The following PCDHA5 variants were observed in gnomAD, a reference collection of about 807,000 sequenced individuals.
The protein encoded by PCDHA5 is protocadherin alpha 5, also known as protocadherin alpha-5.
Under a neutral mutation model 61.6 loss-of-function variants are expected in PCDHA5, and 43 were observed. The ratio of observed to expected loss-of-function variants is 0.70; its 90% confidence interval spans 0.55 to 0.90. PCDHA5 has a LOEUF of 0.90. Ranked by LOEUF, PCDHA5 falls within the 40% of genes least tolerant of loss-of-function variation. PCDHA5 has a pLI of 0.00. For synonymous variants in PCDHA5, 627 were observed against 543.9 expected, an observed-to-expected ratio of 1.15 and a Z score of -2.13; for missense variants, 1,298 against 1,222.7, an observed-to-expected ratio of 1.06 and a Z score of -0.92.
At chr5:140,840,778 A>T (rs1277652633) in intron 1 of PCDHA5, among the ~76,000 whole-genome samples, 2 of 152,094 alleles carry the variant, frequency 1.3e-5, no homozygotes, top group Non-Finnish European at 2.9e-5. Context: ...GAAAAGTTAG[A>T]ATTATATGCT....
rs1554206132 is a variant in PCDHA5, at chr5:140,928,678, C to A, written c.2353-50271C>A. 3.1e-6 allele frequency: 5 copies of A among 1,614,192 alleles called. No individual in the cohort carries two copies. The East Asian group carries it at 1.1e-4, about 36-fold the overall frequency. ...TGCTGACAGTGGTTCTAATGCCTGGCTTTCCTACCACATCTCCCGGGCGTC... is the reference window on the plus strand; with the variant it reads ...TGCTGACAGTGGTTCTAATGCCTGGATTTCCTACCACATCTCCCGGGCGTC... On this transcript the variant is annotated intron_variant, in intron 1 of 3. Coordinates refer to ENST00000529859, the MANE Select transcript of PCDHA5 (RefSeq NM_018908.3).
At chr5:140,928,344 G>T (rs1554205800) in intron 1 of PCDHA5, 2 of 1,614,168 alleles carry the variant, frequency 1.2e-6, no homozygotes, top group East Asian at 2.2e-5. Flanking sequence ...CTTATGAGCT[G>T]TTGGATGTTA....
intron 1 of PCDHA5, among the ~76,000 whole-genome samples, chr5:140,913,152 T>G (rs2076232515): frequency 6.6e-6 from 1 of 152,178 alleles, no homozygotes; most frequent in Admixed American, 6.5e-5. Context: ...ATAGTTTGAG[T>G]AGGATTGGTA....
intron 1 of PCDHA5, chr5:140,862,870 G>T: frequency 1.8e-6 from 1 of 569,162 alleles, no homozygotes; most frequent in Non-Finnish European, 3.4e-6. Flanking sequence ...GACGCTGCCA[G>T]GTATTAGTGC....
chr5:140,865,725 A>T (rs1326307411), intron 1 of PCDHA5: 1 of 152,210 alleles, frequency 6.6e-6, no homozygotes, highest in Non-Finnish European at 1.5e-5. Context: ...AGAAGCTGAG[A>T]TGTGTATCTA....
At chr5:140,923,217 ATCGTTTGAG>A (rs2081234922) in intron 1 of PCDHA5, among the ~76,000 whole-genome samples, 1 of 135,418 alleles carries the variant, frequency 7.4e-6, no homozygotes, top group Admixed American at 7.5e-5. Flanking sequence ...AGGTGAAAGG[ATCGTTTGAG>A]CCCAGAAGTT....
rs916835953 is a variant in PCDHA5 at position 140,823,215 on chromosome 5, C to T, written c.1440C>T (p.Asp480=). ...ACATCTTCACGGTGTCTGCACGGGA[C>T]GCGGACGCGCAGGAGAACGCCCTGG... The part of the protein sequence containing the change: ...GCHIFTVSAR[D]ADAQENALVS... The change falls in exon 1 of 4, where the codon GAC becomes GAT. Residue 480 remains aspartate, a synonymous_variant. Coordinates refer to ENST00000529859, the MANE Select transcript of PCDHA5 (RefSeq NM_018908.3). The T allele has an allele frequency of 6.2e-7, 1 of 1,613,770 alleles. No homozygotes were observed. The highest frequency in any genetic ancestry group is 1.1e-5 in the South Asian group (1 of 91,074).
At chr5:140,847,308 C>T (rs1295740719) in intron 1 of PCDHA5, among the ~76,000 whole-genome samples, 2 of 149,754 alleles carry the variant, frequency 1.3e-5, no homozygotes, top group Admixed American at 6.7e-5. Context: ...CTGCAGTAAT[C>T]AAGGACAGAA....
rs185057371 is a variant in PCDHA5, at chr5:140,832,952, A to T, written c.2352+8825A>T. Among the ~76,000 whole-genome samples, 141 of 152,318 alleles carry T rather than the reference A, an allele frequency of 9.3e-4. 1 individual carries two copies. Among genetic ancestry groups the T allele is most frequent in the African/African-American group, 3.3e-3 (136 of 41,588 alleles). Reference sequence around the variant, plus strand: ...TGAGAAGAGAGTAACTTAAGTGAGTATACAGAAAATTCCAAATGTACCTAG... The same window carrying T: ...TGAGAAGAGAGTAACTTAAGTGAGTTTACAGAAAATTCCAAATGTACCTAG... On this transcript the variant is annotated intron_variant, in intron 1 of 3. Coordinates refer to ENST00000529859, the MANE Select transcript of PCDHA5 (RefSeq NM_018908.3).
chr5:140,824,092 C>A lies in PCDHA5; in HGVS notation c.2317C>A (p.Pro773Thr). 1 of 1,614,146 alleles carries A rather than the reference C, an allele frequency of 6.2e-7. No homozygotes were observed. The highest frequency in any genetic ancestry group is 1.3e-5 in the African/African-American group (1 of 75,036). The stretch of plus-strand genomic sequence containing the variant: ...CAAAACAGACCTCATGGCCTTCAGT[C>A]CAAGCCTTCCTCAGGGTCCCACCTC... ...PPKTDLMAFS[P>T]SLPQGPTSTD... The change falls in exon 1 of 4, where the codon CCA becomes ACA. Residue 773 changes from proline (P) to threonine (T), a missense_variant. Transcript: ENST00000529859.
intron 1 of PCDHA5, chr5:140,966,728 TCCG>T (rs1554228593): frequency 2.8e-6 from 4 of 1,404,870 alleles, no homozygotes; most frequent in Non-Finnish European, 3.7e-6. Flanking sequence ...AGCTGCCGCC[TCCG>T]GCCCTGCCCG....
At chr5:140,841,710 C>T (rs574481490) in intron 1 of PCDHA5, 1 of 1,613,856 alleles carries the variant, frequency 6.2e-7, no homozygotes, top group South Asian at 1.1e-5. Context: ...AATGACAACC[C>T]GCCAGTGTTC....
At chr5:140,834,318 A>T in intron 1 of PCDHA5, 1 of 1,413,328 alleles carries the variant, frequency 7.1e-7, no homozygotes, top group South Asian at 1.4e-5. Context: ...AAATGAAGGG[A>T]TAAAAACATT....
intron 3 of PCDHA5, among the ~76,000 whole-genome samples, chr5:140,986,469 T>G (rs2097202307): frequency 6.6e-6 from 1 of 152,214 alleles, no homozygotes; most frequent in Non-Finnish European, 1.5e-5. Context: ...TGCCCTCTTG[T>G]GATCAGTTCC....
chr5:140,867,125 A>G (rs781885950), intron 1 of PCDHA5: 1 of 152,144 alleles, frequency 6.6e-6, no homozygotes, highest in Non-Finnish European at 1.5e-5. Flanking sequence ...TTTTAATTCA[A>G]ATATGTGATA....
intron 3 of PCDHA5, among the ~76,000 whole-genome samples, chr5:141,007,101 A>T (rs1412645072): frequency 6.6e-5 from 10 of 152,188 alleles, no homozygotes; most frequent in African/African-American, 1.7e-4. Flanking sequence ...TCTAGGGCCA[A>T]ACCCAAGGAA....
intron 1 of PCDHA5, among the ~76,000 whole-genome samples, chr5:140,839,882 T>G (rs2150166870): frequency 6.6e-6 from 1 of 152,128 alleles, no homozygotes; most frequent in South Asian, 2.1e-4. Context: ...ATGAATAGAA[T>G]TTTGACAGAA....
chr5:140,894,649 T>C (rs1270978331), intron 1 of PCDHA5, among the ~76,000 whole-genome samples: 3 of 152,024 alleles, frequency 2.0e-5, no homozygotes, highest in African/African-American at 7.2e-5. Context: ...ACTGAGTCTC[T>C]CTAATTCTGA....
At chr5:141,000,410 TATATATATATA>T (rs1554257433) in intron 3 of PCDHA5, among the ~76,000 whole-genome samples, 1 of 101,972 alleles carries the variant, frequency 9.8e-6, no homozygotes, top group Non-Finnish European at 2.0e-5. Context: ...TATATATATA[TATATATATATA>T]TTTTTTTTTT....
Sources: allele counts gnomAD v4.1 joint callset (sites outside exome capture counted in the v4.1 genomes callset), GRCh38; gene constraint gnomAD v4.1.1; transcripts MANE v1.5; gene names NCBI Gene and HGNC (gene_info 2026-07-23, HGNC 2026-07-21).